Variants in ZNF723 observed in about 807,000 individuals in gnomAD.
ZNF723 encodes the protein zinc finger protein 723, pseudogene.
Under a neutral mutation model 9.4 loss-of-function variants are expected in ZNF723, and 5 were observed. The observed-to-expected ratio is 0.53, with a 90% CI of 0.28 to 1.12. ZNF723 has a LOEUF of 1.12. Among genes scored for constraint, ZNF723 ranks in the 50% most tolerant of loss-of-function variants. ZNF723 has a pLI of 0.10. For missense variants in ZNF723, 450 were observed against 501.5 expected, an observed-to-expected ratio of 0.90 and a Z score of 0.98; for synonymous variants, 158 against 168.8, an observed-to-expected ratio of 0.94 and a Z score of 0.49.
chr19:22,831,122 C>G (rs747764861), upstream of ZNF723, among the ~76,000 whole-genome samples: 9 of 152,154 alleles, frequency 5.9e-5, no homozygotes, highest in Non-Finnish European at 1.0e-4. Context: ...TACAGCTGCT[C>G]CCATTGAGAT....
chr19:22,834,838 A>C (rs1294947286), intron 1 of ZNF723, among the ~76,000 whole-genome samples: 1 of 152,156 alleles, frequency 6.6e-6, no homozygotes, highest in African/African-American at 2.4e-5. Flanking sequence ...AAAAAAAAAT[A>C]GTATCCCCAA....
intron 1 of ZNF723, among the ~76,000 whole-genome samples, chr19:22,846,663 GA>G (rs1261068891): frequency 6.6e-6 from 1 of 152,016 alleles, no homozygotes; most frequent in Non-Finnish European, 1.5e-5. Context: ...AAGTTTGAAA[GA>G]TAATTATCAG....
chr19:22,842,005 G>T (rs1272305617), intron 1 of ZNF723, among the ~76,000 whole-genome samples: 1 of 151,800 alleles, frequency 6.6e-6, no homozygotes, highest in Non-Finnish European at 1.5e-5. Flanking sequence ...ACTATGTTTT[G>T]TTGTTGTTGT....
chr19:22,836,991 G>T (rs1599471769), intron 1 of ZNF723, among the ~76,000 whole-genome samples: 1 of 152,178 alleles, frequency 6.6e-6, no homozygotes, highest in East Asian at 1.9e-4. Flanking sequence ...TTTTTAAACA[G>T]TAGCTCAGAA....
At chr19:22,833,874 G>A (rs547528696) in intron 1 of ZNF723, among the ~76,000 whole-genome samples, 15 of 151,450 alleles carry the variant, frequency 9.9e-5, no homozygotes, top group African/African-American at 3.4e-4. Context: ...CTAAAGTGCT[G>A]GGATTACAGG....
the ZNF723 span, among the ~76,000 whole-genome samples, chr19:22,813,202 C>T: frequency 6.6e-6 from 1 of 152,088 alleles, no homozygotes; most frequent in Non-Finnish European, 1.5e-5. Context: ...GAGGTGTTGA[C>T]TCTCAAATTT....
chr19:22,825,202 T>G, the ZNF723 span, among the ~76,000 whole-genome samples: 1 of 152,152 alleles, frequency 6.6e-6, no homozygotes, highest in African/African-American at 2.4e-5. Context: ...TAGTGACTCT[T>G]GAGAAAGAAT....
At chr19:22,824,969 T>C in the ZNF723 span, among the ~76,000 whole-genome samples, 1 of 152,126 alleles carries the variant, frequency 6.6e-6, no homozygotes, top group Non-Finnish European at 1.5e-5. Flanking sequence ...AGATTGTGAC[T>C]CTCAGGAATA....
upstream of ZNF723, among the ~76,000 whole-genome samples, chr19:22,828,353 G>C (rs772926898): frequency 7.9e-5 from 12 of 152,122 alleles, no homozygotes; most frequent in Non-Finnish European, 1.8e-4. Context: ...CAAAAAGCCA[G>C]GGTTTTAAAA....
chr19:22,842,419 G>C (rs933668487), intron 1 of ZNF723, among the ~76,000 whole-genome samples: 1 of 152,100 alleles, frequency 6.6e-6, no homozygotes, highest in East Asian at 1.9e-4. Flanking sequence ...TTTTAATGAT[G>C]TATATCCAAT....
At chr19:22,816,543 G>A in the ZNF723 span, among the ~76,000 whole-genome samples, 1 of 152,188 alleles carries the variant, frequency 6.6e-6, no homozygotes, top group African/African-American at 2.4e-5. Context: ...AGAAGTGCAG[G>A]ATTGTTAATC....
At chr19:22,818,461 G>T in the ZNF723 span, among the ~76,000 whole-genome samples, 1 of 152,164 alleles carries the variant, frequency 6.6e-6, no homozygotes, top group African/African-American at 2.4e-5. Context: ...ACACCTTAGA[G>T]GCTGCAACTT....
At chr19:22,825,902 T>C in the ZNF723 span, among the ~76,000 whole-genome samples, 2 of 152,230 alleles carry the variant, frequency 1.3e-5, no homozygotes, top group Non-Finnish European at 2.9e-5. Context: ...GTGACTCTCC[T>C]CTCCTGCCCA....
intron 3 of ZNF723, among the ~76,000 whole-genome samples, chr19:22,855,005 C>T (rs1337153131): frequency 6.6e-6 from 1 of 151,944 alleles, no homozygotes; most frequent in Admixed American, 6.6e-5. Flanking sequence ...TGAGATTGTG[C>T]CATTGCACTC....
the ZNF723 span, among the ~76,000 whole-genome samples, chr19:22,824,219 G>A: frequency 5.3e-5 from 8 of 152,108 alleles, no homozygotes; most frequent in African/African-American, 7.2e-5. Flanking sequence ...AGTGGGCATT[G>A]TTACATATTA....
chr19:22,822,605 G>A, the ZNF723 span, among the ~76,000 whole-genome samples: 1 of 152,190 alleles, frequency 6.6e-6, no homozygotes, highest in Non-Finnish European at 1.5e-5. Context: ...GCGCATGCCT[G>A]TAATTCCATC....
rs962136360 is a variant in ZNF723 at position 22,845,728 on chromosome 19, C to T, written c.4-2533C>T. ...AAGGACAGAAATGGATGGACTTTTT[C>T]AGCGGGTCTTGGTACTTCTGCCTGT... is the stretch of plus-strand genomic sequence containing the variant. On this transcript the variant is annotated intron_variant, in intron 1 of 3. Coordinates refer to ENST00000600766, the MANE Select transcript of ZNF723 (RefSeq NM_001349726.2). Among the ~76,000 whole-genome samples the T allele has an allele frequency of 4.0e-4, 56 of 138,808 alleles. 1 individual carries two copies. The highest frequency in any genetic ancestry group is 9.6e-4 in the African/African-American group (36 of 37,558). 91.1% of individuals were successfully genotyped at this position (138,808 alleles called of 152,430 possible).
chr19:22,821,308 A>G, the ZNF723 span, among the ~76,000 whole-genome samples: 2 of 152,244 alleles, frequency 1.3e-5, no homozygotes, highest in African/African-American at 4.8e-5. Context: ...TGGAATTGTG[A>G]CACATGCCTG....
chr19:22,856,191 C>T (rs545368298), intron 3 of ZNF723, among the ~76,000 whole-genome samples: 1 of 152,294 alleles, frequency 6.6e-6, no homozygotes, highest in Admixed American at 6.5e-5. Context: ...TATCTCCTGA[C>T]CTCATGATCT....
Sources: gnomAD v4.1 joint callset for allele counts (sites outside exome capture counted in the v4.1 genomes callset) on GRCh38, gnomAD v4.1.1 for gene constraint, MANE v1.5 for transcripts, NCBI Gene and HGNC (gene_info 2026-07-23, HGNC 2026-07-21) for gene names.